TDRD9: variants seen among roughly 807,000 people sequenced by gnomAD.
The protein encoded by TDRD9 is tudor domain containing 9.
A neutral mutation model predicts 172.6 loss-of-function variants in TDRD9; 124 were observed. That is an observed-to-expected ratio of 0.72 (90% CI 0.62 to 0.83). TDRD9 has a LOEUF of 0.83. TDRD9 is among the 40% of genes least tolerant of loss of function. TDRD9 has a pLI of 0.00. For missense variants in TDRD9, 1,479 were observed against 1,714.1 expected (o/e 0.86, Z 2.42); for synonymous variants, 619 against 617.1 (o/e 1.00, Z -0.05).
At position 103,997,493 on chromosome 14, in the gene TDRD9, C is replaced by A. The variant is rs568198194; in HGVS notation, c.1379-1131C>A. ...GTGGGGCAGGTGAGGAGCTGGGATT[C>A]GGGCTGAGACGTGCTAGATGTTCAG... On this transcript the variant is annotated intron_variant, in intron 12 of 35. Transcript: ENST00000409874. The surrounding 1 kb of genome is among the most constrained non-coding windows in gnomAD (Gnocchi z 5.1). Among the ~76,000 whole-genome samples the A allele has an allele frequency of 6.6e-6, 1 of 152,244 alleles. No homozygotes were observed. The highest frequency in any genetic ancestry group is 1.9e-4 in the East Asian group (1 of 5,178).
intron 6 of TDRD9, among the ~76,000 whole-genome samples, chr14:103,974,427 C>T (rs1475157343): frequency 6.6e-6 from 1 of 152,064 alleles, no homozygotes; most frequent in East Asian, 1.9e-4. Context: ...TTAAGGATAT[C>T]ATTTCATATT....
At chr14:104,024,251 C>G (rs977306749) in intron 24 of TDRD9, among the ~76,000 whole-genome samples, 45 of 152,130 alleles carry the variant, frequency 3.0e-4, no homozygotes, top group African/African-American at 9.9e-4. Context: ...CCTTGAAAGT[C>G]TAAATTGATA....
intron 16 of TDRD9, 29 bp from the exon 17 acceptor site, chr14:104,006,617 C>T: frequency 6.2e-7 from 1 of 1,613,042 alleles, no homozygotes; most frequent in Non-Finnish European, 8.5e-7. Context: ...CACAATCTTA[C>T]ATTCTTCTTG....
chr14:103,932,842 C>T (rs182318034), intron 1 of TDRD9, among the ~76,000 whole-genome samples: 367 of 152,136 alleles, frequency 2.4e-3, no homozygotes, highest in Non-Finnish European at 4.7e-3. Flanking sequence ...CAGCTTAAAT[C>T]AGCAGAAGAA....
intron 1 of TDRD9, among the ~76,000 whole-genome samples, chr14:103,929,607 C>A (rs2030234583): frequency 6.6e-6 from 1 of 151,934 alleles, no homozygotes; most frequent in Non-Finnish European, 1.5e-5. Context: ...GCAATCTCCC[C>A]CTCCTAGGTT....
chr14:104,024,751 C>G, intron 25 of TDRD9, 71 bp downstream of exon 25: 1 of 2,930 alleles, frequency 3.4e-4, no homozygotes, highest in South Asian at 0.016. Context: ...AGGAAGTTTA[C>G]ACACACACAC....
At chr14:104,028,689 A>G (rs904888482) in intron 28 of TDRD9, among the ~76,000 whole-genome samples, 3 of 152,120 alleles carry the variant, frequency 2.0e-5, no homozygotes, top group African/African-American at 7.2e-5. Context: ...TTAGTGTAAT[A>G]TAGTTCCATT....
At chr14:104,048,574 A>T (rs2035848388) in intron 34 of TDRD9, among the ~76,000 whole-genome samples, 1 of 152,114 alleles carries the variant, frequency 6.6e-6, no homozygotes, top group Non-Finnish European at 1.5e-5. Flanking sequence ...ATGGGTTGAA[A>T]AGTGCACTCC....
chr14:103,957,668 A>G (rs2032310297), intron 2 of TDRD9, among the ~76,000 whole-genome samples: 1 of 152,198 alleles, frequency 6.6e-6, no homozygotes, highest in South Asian at 2.1e-4. Context: ...TATTGTGGAA[A>G]GAGAGCCATC....
At position 104,052,216 on chromosome 14, in the gene TDRD9, C is replaced by A. The variant is rs1407638147; in HGVS notation, c.*134C>A. On this transcript the variant is annotated 3_prime_UTR_variant, in exon 36 of 36. Transcript: ENST00000409874. ...GCCCACTGCATCCTAAAGGCCTTTT[C>A]TTTCTTCTTTTCTCTTTGGGTGATA... is the stretch of plus-strand genomic sequence containing the variant. The A allele has an allele frequency of 1.8e-6, 1 of 544,544 alleles. No individual in the cohort carries two copies. Among genetic ancestry groups the A allele is most frequent in the African/African-American group, 1.9e-5 (1 of 52,492 alleles). 33.7% of individuals were successfully genotyped at this position (544,544 alleles called of 1,614,324 possible).
chr14:103,938,427 TATATATA>T (rs1566723205), intron 1 of TDRD9, among the ~76,000 whole-genome samples: 8 of 56,284 alleles, frequency 1.4e-4, no homozygotes, highest in African/African-American at 5.4e-4. Flanking sequence ...TATATATATA[TATATATA>T]TATATATTTT....
intron 6 of TDRD9, among the ~76,000 whole-genome samples, chr14:103,971,542 G>T (rs2033033279): frequency 6.6e-6 from 1 of 151,954 alleles, no homozygotes; most frequent in African/African-American, 2.4e-5. Flanking sequence ...GACCTCAACT[G>T]ATTTGCTTGC....
intron 1 of TDRD9, among the ~76,000 whole-genome samples, chr14:103,943,652 C>A (rs118015906): frequency 0.021 from 3,256 of 151,856 alleles, 57 homozygotes; most frequent in Non-Finnish European, 0.031. Context: ...CTGGCCTGTG[C>A]TAATTTCCTA....
intron 1 of TDRD9, among the ~76,000 whole-genome samples, chr14:103,950,519 ATCT>A (rs1310982913): frequency 2.0e-5 from 3 of 152,362 alleles, no homozygotes; most frequent in Admixed American, 1.3e-4. Flanking sequence ...TTAGAAACTA[ATCT>A]TCTTATGAAG....
Position 104,022,361 on chromosome 14 carries a change from C to T in TDRD9, c.2606+31C>T, listed in dbSNP as rs200884713. On this transcript the variant is annotated intron_variant, in intron 24 of 35. Transcript: ENST00000409874. ...TTCGGGAGGGAGGTGGCAGACAGGCCGTGCCTGCTTTCACATTCTCAGGTG... is the reference window on the plus strand; with the variant it reads ...TTCGGGAGGGAGGTGGCAGACAGGCTGTGCCTGCTTTCACATTCTCAGGTG... 60 of 1,597,678 alleles carry T rather than the reference C, an allele frequency of 3.8e-5. No homozygotes were observed. The East Asian group carries it at 7.2e-4, about 19-fold the overall frequency.
rs746084765 is a variant in TDRD9, at chr14:104,045,269, T to C, written c.3974+3082T>C. Among the ~76,000 whole-genome samples, 41 of 152,274 alleles carry C rather than the reference T, an allele frequency of 2.7e-4. 1 individual carries two copies. The highest frequency in any genetic ancestry group is 9.1e-4 in the Admixed American group (14 of 15,302). ...CTCACCAGCACGAGGCACCGGCACG[T>C]GTTGTTACTGCAGTCAGTCTGGTGA... On this transcript the variant is annotated intron_variant, in intron 34 of 35. Transcript: ENST00000409874.
At chr14:104,013,419 G>A (rs1206056538) in intron 20 of TDRD9, among the ~76,000 whole-genome samples, 2 of 152,146 alleles carry the variant, frequency 1.3e-5, no homozygotes, top group Non-Finnish European at 2.9e-5. Flanking sequence ...CAGAGGCTGG[G>A]ACGTGTTTCA....
At position 103,945,222 on chromosome 14, in the gene TDRD9, CT is replaced by C. The variant is rs1345079710; in HGVS notation, c.216-10440del. ...ATCAATGAGCTAGCCACTGGAAGAG[CT>C]TCTTGAAGGCAATCTTCCTTCTCCA... On this transcript the variant is annotated intron_variant, in intron 1 of 35. Coordinates refer to ENST00000409874, the MANE Select transcript of TDRD9 (RefSeq NM_153046.3). Among the ~76,000 whole-genome samples, 7 of 152,298 alleles carry C rather than the reference CT, an allele frequency of 4.6e-5. No homozygotes were observed. The East Asian group carries it at 1.3e-3, about 29-fold the overall frequency.
chr14:103,944,242 G>A (rs962593179), intron 1 of TDRD9, among the ~76,000 whole-genome samples: 12 of 152,032 alleles, frequency 7.9e-5, no homozygotes, highest in African/African-American at 2.7e-4. Context: ...TTTCTTGCTC[G>A]ACCCTAGAGC....
Sources: allele counts gnomAD v4.1 joint callset (sites outside exome capture counted in the v4.1 genomes callset), GRCh38; gene constraint gnomAD v4.1.1; non-coding constraint Gnocchi (gnomAD v3.1); transcripts MANE v1.5; gene names NCBI Gene and HGNC (gene_info 2026-07-23, HGNC 2026-07-21).